The following CDC42BPA variants were observed in gnomAD, a reference collection of about 807,000 sequenced individuals.
The protein encoded by CDC42BPA is CDC42 binding protein kinase alpha, also known as serine/threonine-protein kinase MRCK alpha.
A neutral mutation model predicts 223.5 loss-of-function variants in CDC42BPA; 80 were observed. The observed-to-expected ratio is 0.36, with a 90% CI of 0.30 to 0.43. CDC42BPA has a LOEUF of 0.43. Among genes scored for constraint, CDC42BPA ranks in the 20% least tolerant of loss-of-function variants. CDC42BPA has a pLI of 1.00. For synonymous variants in CDC42BPA, 694 were observed against 718.6 expected (o/e 0.97, Z 0.55); for missense variants, 1,743 against 2,099.9 (o/e 0.83, Z 3.32).
At chr1:227,153,720 T>G (rs1411527450) in intron 6 of CDC42BPA, among the ~76,000 whole-genome samples, 1 of 151,760 alleles carries the variant, frequency 6.6e-6, no homozygotes, top group East Asian at 1.9e-4. Context: ...CCTATAATCA[T>G]TAAAAATTTG....
intron 1 of CDC42BPA, chr1:227,265,165 G>C: frequency 1.4e-6 from 1 of 697,192 alleles, no homozygotes; most frequent in Non-Finnish European, 2.7e-6. Flanking sequence ...TTCCACAGTG[G>C]TAGGAAGACC....
chr1:227,203,808 T>TCC, intron 3 of CDC42BPA, among the ~76,000 whole-genome samples: 1 of 152,218 alleles, frequency 6.6e-6, no homozygotes, highest in Non-Finnish European at 1.5e-5. Context: ...TAATGGACTA[T>TCC]TGGGATAAAC....
chr1:227,100,618 G>A (rs902051012), intron 15 of CDC42BPA, among the ~76,000 whole-genome samples: 4 of 151,302 alleles, frequency 2.6e-5, no homozygotes, highest in African/African-American at 7.3e-5. Flanking sequence ...TTTTTCCCTG[G>A]TAGAGATAGG....
At chr1:227,033,982 G>A (rs11805012) in intron 26 of CDC42BPA, among the ~76,000 whole-genome samples, 8,200 of 152,170 alleles carry the variant, frequency 0.054, 248 homozygotes, top group Non-Finnish European at 0.072. Flanking sequence ...CATCTATCCT[G>A]TCATGTTCCA....
intron 5 of CDC42BPA, among the ~76,000 whole-genome samples, chr1:227,174,108 C>A (rs1212776919): frequency 1.3e-5 from 2 of 152,102 alleles, no homozygotes; most frequent in East Asian, 1.9e-4. Flanking sequence ...TATAGATGGT[C>A]CCTAACTTAC....
intron 1 of CDC42BPA, among the ~76,000 whole-genome samples, chr1:227,278,477 G>A (rs916381966): frequency 6.6e-6 from 1 of 152,182 alleles, no homozygotes; most frequent in African/African-American, 2.4e-5. Context: ...GGAATACTAG[G>A]AAGTTAAGGT....
At chr1:227,192,731 G>A (rs1203898413) in intron 5 of CDC42BPA, among the ~76,000 whole-genome samples, 2 of 151,696 alleles carry the variant, frequency 1.3e-5, no homozygotes, top group Non-Finnish European at 2.9e-5. Flanking sequence ...ATTCATGCTG[G>A]TATTTTTAAA....
At chr1:227,237,723 C>A (rs907278514) in intron 2 of CDC42BPA, among the ~76,000 whole-genome samples, 17 of 152,280 alleles carry the variant, frequency 1.1e-4, no homozygotes, top group African/African-American at 4.1e-4. Flanking sequence ...AAATGGTTAT[C>A]CAGTTGTCTC....
At chr1:227,143,126 G>GAACAGTCACAATTTTT in intron 8 of CDC42BPA, 102 bp from the exon 9 acceptor site, 1 of 653,730 alleles carries the variant, frequency 1.5e-6, no homozygotes, top group Non-Finnish European at 2.3e-6. Context: ...AAAAAAAATT[G>GAACAGTCACAATTTTT]TGACTGTTCA....
At chr1:227,232,101 T>C (rs566826974) in intron 2 of CDC42BPA, among the ~76,000 whole-genome samples, 68 of 152,250 alleles carry the variant, frequency 4.5e-4, no homozygotes, top group African/African-American at 1.6e-3. Context: ...TCTTCTAGGG[T>C]TTTTATGGTT....
At chr1:227,023,411 G>T in intron 31 of CDC42BPA, 64 bp from the exon 32 acceptor site, 3 of 837,868 alleles carry the variant, frequency 3.6e-6, no homozygotes, top group Non-Finnish European at 5.5e-6. Flanking sequence ...TAAAACTTTT[G>T]TCCTGCTTAT....
chr1:227,251,721 TAAAG>T (rs1293072743), intron 2 of CDC42BPA, among the ~76,000 whole-genome samples: 2 of 151,884 alleles, frequency 1.3e-5, no homozygotes, highest in African/African-American at 2.4e-5. Context: ...CTGAAAGAAA[TAAAG>T]AAATCCTCCC....
At position 227,317,794 on chromosome 1, in the gene CDC42BPA, C is replaced by A. The variant is rs1216536734; in HGVS notation, c.-612G>T. On this transcript the variant is annotated 5_prime_UTR_variant, in exon 1 of 37. Coordinates refer to ENST00000366766, the MANE Select transcript of CDC42BPA (RefSeq NM_001394014.1). ...GGAGGGGGCGAGGTCCCTGAAGCAG[C>A]CCCTCGGCTCGGAGCACGCCAAGTC... The A allele has an allele frequency of 7.5e-6, 3 of 398,582 alleles. No homozygotes were observed. The highest frequency in any genetic ancestry group is 1.3e-5 in the Non-Finnish European group (3 of 226,142). The allele number at this position is 398,582 out of a possible 1,614,324, so 24.7% of individuals were successfully genotyped here.
At chr1:227,304,148 G>A (rs61834324) in intron 1 of CDC42BPA, among the ~76,000 whole-genome samples, 16,925 of 152,106 alleles carry the variant, frequency 0.11, 1,201 homozygotes, top group South Asian at 0.19. Context: ...TAATCACGCC[G>A]GTAATCCTGG....
At chr1:227,304,323 T>C (rs1396303219) in intron 1 of CDC42BPA, among the ~76,000 whole-genome samples, 2 of 151,990 alleles carry the variant, frequency 1.3e-5, no homozygotes, top group African/African-American at 4.8e-5. Context: ...GAAGAATTGC[T>C]TAAACCCAGG....
chr1:227,001,355 G>A (rs1340567454), intron 35 of CDC42BPA, among the ~76,000 whole-genome samples: 1 of 152,128 alleles, frequency 6.6e-6, no homozygotes, highest in Non-Finnish European at 1.5e-5. Flanking sequence ...GGTAACCAGG[G>A]ACATAAAAAA....
intron 35 of CDC42BPA, among the ~76,000 whole-genome samples, chr1:227,003,058 TTA>T (rs1663196646): frequency 6.6e-6 from 1 of 152,198 alleles, no homozygotes; most frequent in Admixed American, 6.5e-5. Flanking sequence ...TCATTCATCT[TTA>T]TGTCGTCAGA....
At chr1:227,054,960 T>A (rs1454303350) in intron 21 of CDC42BPA, among the ~76,000 whole-genome samples, 1 of 151,946 alleles carries the variant, frequency 6.6e-6, no homozygotes, top group Non-Finnish European at 1.5e-5. Context: ...TAAAAATAAG[T>A]GAAAATACTG....
At chr1:227,224,928 C>T (rs1676583840) in intron 2 of CDC42BPA, among the ~76,000 whole-genome samples, 2 of 152,124 alleles carry the variant, frequency 1.3e-5, no homozygotes, top group East Asian at 1.9e-4. Context: ...GCACCTACTA[C>T]GCACTAGACA....
Sources: gnomAD v4.1 joint callset for allele counts (sites outside exome capture counted in the v4.1 genomes callset) on GRCh38, gnomAD v4.1.1 for gene constraint, MANE v1.5 for transcripts, NCBI Gene and HGNC (gene_info 2026-07-23, HGNC 2026-07-21) for gene names.